The following ADAMTS2 variants were observed in gnomAD, a reference collection of about 807,000 sequenced individuals.
ADAMTS2 encodes the protein ADAM metallopeptidase with thrombospondin type 1 motif 2, also known as A disintegrin and metalloproteinase with thrombospondin motifs 2.
In ADAMTS2, 50 loss-of-function variants were observed where a neutral mutation model predicts 123.0. That is an observed-to-expected ratio of 0.41 (90% CI 0.32 to 0.51). The LOEUF (loss-of-function observed/expected upper bound fraction) is 0.51, where lower values mean the gene tolerates loss of function less well. ADAMTS2 is among the 20% of genes least tolerant of loss of function. The pLI is 0.35. For missense variants in ADAMTS2, 1,494 were observed against 1,705.2 expected, an observed-to-expected ratio of 0.88 and a Z score of 2.18; for synonymous variants, 678 against 695.4, an observed-to-expected ratio of 0.98 and a Z score of 0.39.
intron 3 of ADAMTS2, among the ~76,000 whole-genome samples, chr5:179,267,707 G>A (rs1003468144): frequency 2.6e-5 from 4 of 152,206 alleles, no homozygotes; most frequent in African/African-American, 9.6e-5. Context: ...TAGTGAGCAC[G>A]GGAGGGGACC....
intron 11 of ADAMTS2, among the ~76,000 whole-genome samples, chr5:179,138,987 GT>G (rs1763114492): frequency 6.6e-6 from 1 of 152,226 alleles, no homozygotes; most frequent in South Asian, 2.1e-4. Flanking sequence ...TGTTTTGTTT[GT>G]TTTTCTAATG....
intron 3 of ADAMTS2, among the ~76,000 whole-genome samples, chr5:179,250,387 G>A (rs1213907585): frequency 6.6e-6 from 1 of 152,196 alleles, no homozygotes; most frequent in Non-Finnish European, 1.5e-5. Flanking sequence ...GAGGGAAAAT[G>A]GGGAATGATG....
intron 18 of ADAMTS2, 152 bp from the exon 19 acceptor site, chr5:179,125,332 T>A: frequency 2.9e-6 from 2 of 693,814 alleles, no homozygotes; most frequent in Non-Finnish European, 5.0e-6. Flanking sequence ...TTATTCTCAC[T>A]AAGATGCTGG....
rs111951512 is a variant in ADAMTS2, at chr5:179,224,967, C to T, written c.689-17252G>A. On this transcript the variant is annotated intron_variant, in intron 3 of 21. Transcript: ENST00000251582. ...TAGGTTCTGGCCAACCAGAGTGAGT[C>T]CACCTGCCTCTGCCTCACAGTGGCT... 3.0e-3 allele frequency among the ~76,000 whole-genome samples: 453 copies of T among 152,336 alleles called. 9 individuals carry two copies. In the South Asian group the frequency reaches 0.039, roughly 13 times the overall value.
At chr5:179,283,549 CA>C (rs3986816) in intron 2 of ADAMTS2, among the ~76,000 whole-genome samples, 3,977 of 51,296 alleles carry the variant, frequency 0.078, 94 homozygotes, top group Non-Finnish European at 0.094. Context: ...AGAAAAACAG[CA>C]AAAAAAAAAA....
intron 2 of ADAMTS2, among the ~76,000 whole-genome samples, chr5:179,300,453 T>C (rs1756484611): frequency 6.6e-6 from 1 of 152,232 alleles, no homozygotes; most frequent in Non-Finnish European, 1.5e-5. Flanking sequence ...TGTCAGTTGT[T>C]GTGAATAATG....
intron 4 of ADAMTS2, among the ~76,000 whole-genome samples, chr5:179,194,358 C>G (rs1196430515): frequency 2.0e-5 from 3 of 152,222 alleles, no homozygotes; most frequent in Non-Finnish European, 4.4e-5. Flanking sequence ...GGATCCCGTG[C>G]TCACCACGAC....
intron 3 of ADAMTS2, among the ~76,000 whole-genome samples, chr5:179,240,092 CG>C (rs1307161045): frequency 6.6e-6 from 1 of 152,002 alleles, no homozygotes; most frequent in Non-Finnish European, 1.5e-5. Flanking sequence ...AGGTGACAGA[CG>C]AGGGAAGCCG....
chr5:179,216,400 A>T (rs1230452689), intron 3 of ADAMTS2, among the ~76,000 whole-genome samples: 1 of 151,972 alleles, frequency 6.6e-6, no homozygotes, highest in Non-Finnish European at 1.5e-5. Context: ...GACGCACAAC[A>T]TTCACAGAAG....
rs190417230 is a variant in ADAMTS2, at chr5:179,257,839, G to A, written c.688+15072C>T. Among the ~76,000 whole-genome samples the A allele has an allele frequency of 3.0e-4, 45 of 152,308 alleles. No individual in the cohort carries two copies. The East Asian group carries it at 7.7e-3, about 26-fold the overall frequency. ...CCCATCCCGGCCACTGCCCCGGGCT[G>A]CTCAACCCTTACACGGCTTTCACAA... On this transcript the variant is annotated intron_variant, in intron 3 of 21. Coordinates refer to ENST00000251582, the MANE Select transcript of ADAMTS2 (RefSeq NM_014244.5).
chr5:179,306,446 G>A (rs1404291605), intron 2 of ADAMTS2, among the ~76,000 whole-genome samples: 4 of 152,200 alleles, frequency 2.6e-5, no homozygotes, highest in Admixed American at 2.6e-4. Flanking sequence ...AACTAACAGA[G>A]AAAGAAACGT....
chr5:179,172,279 C>G (rs1429654344), intron 5 of ADAMTS2, among the ~76,000 whole-genome samples: 30 of 152,234 alleles, frequency 2.0e-4, no homozygotes, highest in Admixed American at 2.0e-3. Context: ...CTGGGAAGAG[C>G]AGGCTGCACC....
chr5:179,245,800 A>AAAAAAAAACAAC lies in ADAMTS2; in HGVS notation c.688+27110_688+27111insGTTGTTTTTTTT, dbSNP rs1561628829. 2.1e-5 allele frequency among the ~76,000 whole-genome samples: 3 copies of AAAAAAAAACAAC among 142,738 alleles called. 1 individual carries two copies. The highest frequency in any genetic ancestry group is 8.1e-5 in the African/African-American group (3 of 37,092). The allele number at this position is 142,738 out of a possible 152,430, so 93.6% of individuals were successfully genotyped here. ...AAAAAAAAAAAAAAAAAAAAACAAA[A>AAAAAAAAACAAC]AAAACAAAGATGGGGGTGGAAGAAT... is the stretch of plus-strand genomic sequence containing the variant. On this transcript the variant is annotated intron_variant, in intron 3 of 21. Coordinates refer to ENST00000251582, the MANE Select transcript of ADAMTS2 (RefSeq NM_014244.5).
intron 5 of ADAMTS2, among the ~76,000 whole-genome samples, chr5:179,179,199 G>A (rs1458353012): frequency 6.6e-6 from 1 of 151,172 alleles, no homozygotes; most frequent in African/African-American, 2.4e-5. Flanking sequence ...TACCCACCTT[G>A]GCCTCCCAAA....
At chr5:179,167,850 G>A (rs149126240) in intron 5 of ADAMTS2, among the ~76,000 whole-genome samples, 21 of 152,338 alleles carry the variant, frequency 1.4e-4, no homozygotes, top group Admixed American at 6.5e-4. Context: ...TGCAGTCAGC[G>A]CCCACAAATG....
In ADAMTS2 at chr5:179,121,645, T is replaced by C. The variant is rs1230113430; in HGVS notation, c.3178+16A>G. On this transcript the variant is annotated intron_variant, in intron 21 of 21. Transcript: ENST00000251582. ...GCACTGGAGGGCAGAGGCAGAGTTA[T>C]AAACGGGTCGGTTACTTGACGAGAT... 2.5e-6 allele frequency: 4 copies of C among 1,596,148 alleles called. No homozygotes were observed. The highest frequency in any genetic ancestry group is 1.3e-5 in the African/African-American group (1 of 74,518).
chr5:179,272,889 T>C lies in ADAMTS2; in HGVS notation c.688+22A>G. On this transcript the variant is annotated intron_variant, in intron 3 of 21. Transcript: ENST00000251582. The surrounding 1 kb of genome is among the most constrained non-coding windows in gnomAD (Gnocchi z 5.8). ...GCCTCAGAGGGCTCTCCACACAGCC[T>C]GCCCACCTGCAGTAGCCTCACCTGT... 6.2e-7 allele frequency: 1 copy of C among 1,604,554 alleles called. No individual in the cohort carries two copies. The highest frequency in any genetic ancestry group is 8.5e-7 in the Non-Finnish European group (1 of 1,178,652).
rs116693368 is a variant in ADAMTS2, at chr5:179,304,016, C to T, written c.535-30952G>A. On this transcript the variant is annotated intron_variant, in intron 2 of 21. Transcript: ENST00000251582. The stretch of plus-strand genomic sequence containing the variant: ...CGAGTGGGTCTGACCCTAAACAACA[C>T]GCCATAGGTTCTGGGGACTGACTTA... Among the ~76,000 whole-genome samples, 507 of 152,256 alleles carry T rather than the reference C, an allele frequency of 3.3e-3. 1 individual carries two copies. Among genetic ancestry groups the T allele is most frequent in the Middle Eastern group, 0.014 (4 of 294 alleles).
intron 2 of ADAMTS2, among the ~76,000 whole-genome samples, chr5:179,321,298 T>G (rs528210488): frequency 5.9e-5 from 9 of 152,220 alleles, no homozygotes; most frequent in African/African-American, 2.2e-4. Context: ...CATCTAAGAC[T>G]GCACACCCTC....
Sources: allele counts gnomAD v4.1 joint callset (sites outside exome capture counted in the v4.1 genomes callset), GRCh38; gene constraint gnomAD v4.1.1; non-coding constraint Gnocchi (gnomAD v3.1); transcripts MANE v1.5; gene names NCBI Gene and HGNC (gene_info 2026-07-23, HGNC 2026-07-21).